The following ZAP70 variants were observed in gnomAD, a reference collection of about 807,000 sequenced individuals.
ZAP70 encodes the protein zeta chain of T cell receptor associated protein kinase 70, also known as tyrosine-protein kinase ZAP-70.
Under a neutral mutation model 65.8 loss-of-function variants are expected in ZAP70, and 27 were observed. The ratio of observed to expected loss-of-function variants is 0.41; its 90% confidence interval spans 0.30 to 0.57. The LOEUF (loss-of-function observed/expected upper bound fraction) is 0.57, where lower values mean the gene tolerates loss of function less well. Among genes scored for constraint, ZAP70 ranks in the 20% least tolerant of loss-of-function variants. The probability of loss-of-function intolerance (pLI) is 0.28; values close to 1 mark genes in which losing one functional copy is unlikely to be tolerated. For missense variants in ZAP70, 696 were observed against 870.5 expected, an observed-to-expected ratio of 0.80 and a Z score of 2.52; for synonymous variants, 363 against 360.8, an observed-to-expected ratio of 1.01 and a Z score of -0.07.
intron 4 of ZAP70, among the ~76,000 whole-genome samples, chr2:97,727,001 C>T (rs900011286): frequency 6.6e-6 from 1 of 152,232 alleles, no homozygotes; most frequent in Non-Finnish European, 1.5e-5. Context: ...GCCACACTCA[C>T]ATGACTGGCC....
chr2:97,721,580 A>ATTTTTTTTTTTTTTTTT (rs796509420), intron 2 of ZAP70, among the ~76,000 whole-genome samples: 3 of 81,164 alleles, frequency 3.7e-5, no homozygotes, highest in Non-Finnish European at 2.3e-5. Context: ...TGGCTGGCTG[A>ATTTTTTTTTTTTTTTTT]TTTTTTTTTT....
the ZAP70 span, among the ~76,000 whole-genome samples, chr2:97,747,581 T>C: frequency 2.6e-5 from 4 of 152,222 alleles, no homozygotes; most frequent in African/African-American, 9.6e-5. Context: ...GGGTAGTGAC[T>C]GCTCATGGGC....
Position 97,736,513 on chromosome 2 carries a change from C to T in ZAP70, c.1290-960C>T, listed in dbSNP as rs1677891101. ...ATTAGCGAATAAACAAGGCAGAGAT[C>T]CATGCTCTGTATTCTGGTTGGAGAA... is the stretch of plus-strand genomic sequence containing the variant. On this transcript the variant is annotated intron_variant, in intron 10 of 13. Coordinates refer to ENST00000264972, the MANE Select transcript of ZAP70 (RefSeq NM_001079.4). The surrounding 1 kb of genome is among the most constrained non-coding windows in gnomAD (Gnocchi z 4.0). Among the ~76,000 whole-genome samples, 1 of 152,190 alleles carries T rather than the reference C, an allele frequency of 6.6e-6. No individual in the cohort carries two copies. Among genetic ancestry groups the T allele is most frequent in the African/African-American group, 2.4e-5 (1 of 41,448 alleles).
At chr2:97,738,344 A>G (rs1036264595) in intron 13 of ZAP70, 124 of 580,556 alleles carry the variant, frequency 2.1e-4, no homozygotes, top group African/African-American at 2.0e-3. Context: ...GTGCCTCAGC[A>G]TCTAAAACCT....
intron 2 of ZAP70, among the ~76,000 whole-genome samples, chr2:97,716,802 A>G (rs1339577847): frequency 6.6e-6 from 1 of 152,084 alleles, no homozygotes; most frequent in Non-Finnish European, 1.5e-5. Context: ...GGGAGCCTAG[A>G]GGGCTTCAAG....
chr2:97,739,834 A>C lies in ZAP70; in HGVS notation c.*336A>C. On this transcript the variant is annotated 3_prime_UTR_variant, in exon 14 of 14. Transcript: ENST00000264972. ...ATCCTCAGGTGGTCAGGCGTAGATC[A>C]CCAGAATAAACCCAGCTTCCCTCTT... is the stretch of plus-strand genomic sequence containing the variant. 2.8e-6 allele frequency: 1 copy of C among 361,914 alleles called. No homozygotes were observed. Among genetic ancestry groups the C allele is most frequent in the Non-Finnish European group, 5.1e-6 (1 of 194,226 alleles). The allele number at this position is 361,914 out of a possible 1,614,324, so 22.4% of individuals were successfully genotyped here.
chr2:97,732,939 C>T lies in ZAP70; in HGVS notation c.620C>T (p.Thr207Met), dbSNP rs141564129. Residue 207 changes from threonine (T) to methionine (M), a missense_variant, in exon 5 of 14, where the codon ACG (threonine) becomes ATG (methionine). Transcript: ENST00000264972. ...GCCCTGTCCCTCATCTATGGGAAGA[C>T]GGTGTACCACTACCTCATCAGCCAA... ...TYALSLIYGK[T>M]VYHYLISQDK... is the part of the protein sequence containing the mutation. 7.9e-5 allele frequency: 128 copies of T among 1,613,992 alleles called. No homozygotes were observed. Among genetic ancestry groups the T allele is most frequent in the African/African-American group, 1.1e-4 (8 of 74,938 alleles).
downstream of ZAP70, among the ~76,000 whole-genome samples, chr2:97,741,895 C>T (rs1678139464): frequency 6.6e-6 from 1 of 152,258 alleles, no homozygotes; most frequent in Non-Finnish European, 1.5e-5. Context: ...TGGCAGCCCA[C>T]TGGGCCCTGG....
the ZAP70 span, among the ~76,000 whole-genome samples, chr2:97,753,780 G>A: frequency 6.6e-6 from 1 of 151,918 alleles, no homozygotes; most frequent in Non-Finnish European, 1.5e-5. Context: ...GAGACCAGAG[G>A]GGGCAACGAA....
At chr2:97,733,243 G>A (rs546937496) in intron 6 of ZAP70, 31 bp downstream of exon 6, 21 of 1,609,278 alleles carry the variant, frequency 1.3e-5, no homozygotes, top group East Asian at 4.5e-5. Flanking sequence ...GGCGGTGGGC[G>A]GGGGCGGCAG....
intron 2 of ZAP70, among the ~76,000 whole-genome samples, chr2:97,718,313 C>A (rs1283964113): frequency 6.6e-6 from 1 of 152,190 alleles, no homozygotes; most frequent in East Asian, 1.9e-4. Context: ...AGCTCACTGA[C>A]AGCAGACACT....
chr2:97,729,722 A>ATT (rs200422301), intron 4 of ZAP70, among the ~76,000 whole-genome samples: 29 of 142,032 alleles, frequency 2.0e-4, no homozygotes, highest in African/African-American at 6.7e-4. Flanking sequence ...ACTACCTAGC[A>ATT]TTTTTTTTTT....
chr2:97,754,562 C>G, the ZAP70 span, among the ~76,000 whole-genome samples: 40 of 152,202 alleles, frequency 2.6e-4, no homozygotes, highest in African/African-American at 9.6e-4. Flanking sequence ...AGCACCACCC[C>G]CAGCTAATTT....
downstream of ZAP70, among the ~76,000 whole-genome samples, chr2:97,740,505 CT>C (rs1188471288): frequency 6.6e-6 from 1 of 152,172 alleles, no homozygotes; most frequent in Non-Finnish European, 1.5e-5. Context: ...TGAATTGTGG[CT>C]TTCATTGCCT....
downstream of ZAP70, chr2:97,739,902 G>A (rs200122527): frequency 1.7e-4 from 40 of 229,276 alleles, no homozygotes; most frequent in Non-Finnish European, 3.1e-4. Flanking sequence ...GTAGGTGTCA[G>A]GGGAGGGGTG....
chr2:97,714,326 T>C (rs1676825066), intron 2 of ZAP70, among the ~76,000 whole-genome samples: 3 of 152,150 alleles, frequency 2.0e-5, no homozygotes, highest in Admixed American at 6.5e-5. Flanking sequence ...AAAGCGCATG[T>C]GCACTCTGTG....
At chr2:97,746,272 G>A in the ZAP70 span, among the ~76,000 whole-genome samples, 1 of 152,180 alleles carries the variant, frequency 6.6e-6, no homozygotes, top group Non-Finnish European at 1.5e-5. Flanking sequence ...CACTGTGAAT[G>A]TAATTGACAC....
chr2:97,723,429 G>A (rs1477015290), intron 2 of ZAP70, among the ~76,000 whole-genome samples: 1 of 152,232 alleles, frequency 6.6e-6, no homozygotes, highest in Admixed American at 6.5e-5. Flanking sequence ...TGTCCCGCGC[G>A]CTTTTTGAAA....
At chr2:97,733,648 A>C in intron 8 of ZAP70, 53 bp downstream of exon 8, 1 of 1,608,630 alleles carries the variant, frequency 6.2e-7, no homozygotes, top group South Asian at 1.1e-5. Flanking sequence ...AGCCGAGATC[A>C]GGGTCGCTGT....
Sources: gnomAD v4.1 joint callset for allele counts (sites outside exome capture counted in the v4.1 genomes callset) on GRCh38, gnomAD v4.1.1 for gene constraint, Gnocchi (gnomAD v3.1) non-coding constraint, MANE v1.5 for transcripts, NCBI Gene and HGNC (gene_info 2026-07-23, HGNC 2026-07-21) for gene names.